CALN1: variants seen among roughly 807,000 people sequenced by gnomAD.
CALN1 encodes the protein calneuron 1.
CALN1 carries 17 observed loss-of-function variants against 30.6 expected under a neutral mutation model. That is an observed-to-expected ratio of 0.56 (90% confidence interval 0.38 to 0.83). The LOEUF (loss-of-function observed/expected upper bound fraction) is 0.83, where lower values mean the gene tolerates loss of function less well. Among genes scored for constraint, CALN1 ranks in the 40% least tolerant of loss-of-function variants. The probability of loss-of-function intolerance (pLI) is 0.00; values close to 1 mark genes in which losing one functional copy is unlikely to be tolerated. For synonymous variants in CALN1, 156 were observed against 131.4 expected, an observed-to-expected ratio of 1.19 and a Z score of -1.28; for missense variants, 291 against 354.9, an observed-to-expected ratio of 0.82 and a Z score of 1.45.
intron 5 of CALN1, among the ~76,000 whole-genome samples, chr7:71,994,179 G>A (rs966089450): frequency 3.3e-5 from 5 of 152,070 alleles, no homozygotes; most frequent in African/African-American, 1.2e-4. Context: ...GAAATTTAAA[G>A]TACAAAGGAA....
At chr7:72,405,895 G>C (rs1806664643) in intron 1 of CALN1, among the ~76,000 whole-genome samples, 1 of 152,208 alleles carries the variant, frequency 6.6e-6, no homozygotes, top group African/African-American at 2.4e-5. Context: ...CCCCCAGGCA[G>C]TGTGGACATC....
intron 3 of CALN1, among the ~76,000 whole-genome samples, chr7:72,143,776 C>T (rs554941516): frequency 6.6e-6 from 1 of 152,204 alleles, no homozygotes; most frequent in Admixed American, 6.5e-5. Flanking sequence ...CAGCTGATCT[C>T]TCGGCAGAAA....
chr7:72,252,565 C>T (rs1159310652), intron 3 of CALN1, among the ~76,000 whole-genome samples: 2 of 150,742 alleles, frequency 1.3e-5, no homozygotes, highest in East Asian at 3.9e-4. Flanking sequence ...GCTGTGATCA[C>T]ACCACTGCAC....
At chr7:72,296,774 G>A (rs59874987) in intron 2 of CALN1, among the ~76,000 whole-genome samples, 17,051 of 149,882 alleles carry the variant, frequency 0.11, 1,388 homozygotes, top group East Asian at 0.42. Flanking sequence ...TCTTGCTAGC[G>A]GTCTATCAAT....
chr7:72,368,462 G>GTGTT (rs1390131441), intron 2 of CALN1, among the ~76,000 whole-genome samples: 53 of 151,880 alleles, frequency 3.5e-4, no homozygotes, highest in African/African-American at 1.2e-3. Context: ...TTCTTTTTGT[G>GTGTT]TGTATCATTC....
chr7:72,223,693 C>T (rs773982319), intron 3 of CALN1, among the ~76,000 whole-genome samples: 10 of 152,116 alleles, frequency 6.6e-5, no homozygotes, highest in African/African-American at 1.7e-4. Context: ...AAAAGCCACC[C>T]GCACTAGCAT....
At position 72,291,808 on chromosome 7, in the gene CALN1, C is replaced by T. The variant is rs565171580; in HGVS notation, c.120-12998G>A. Among the ~76,000 whole-genome samples the T allele has an allele frequency of 4.6e-5, 7 of 152,230 alleles. 1 individual carries two copies. The highest frequency in any genetic ancestry group is 4.6e-4 in the Admixed American group (7 of 15,278). On this transcript the variant is annotated intron_variant, in intron 2 of 6. Transcript: ENST00000395275. ...TTGTATTTTTGGTAGAGACAGGATT[C>T]TTCATGTTGGCCAGGCTGGTCTCGA...
At chr7:72,111,562 A>T (rs1807576844) in intron 3 of CALN1, among the ~76,000 whole-genome samples, 1 of 151,618 alleles carries the variant, frequency 6.6e-6, no homozygotes. Context: ...GGCTCAAGAG[A>T]TCCTCCTGCC....
At chr7:72,405,730 T>G (rs77977709) in intron 1 of CALN1, among the ~76,000 whole-genome samples, 2 of 150,164 alleles carry the variant, frequency 1.3e-5, no homozygotes, top group Non-Finnish European at 3.0e-5. Context: ...AAAAAAAAAA[T>G]GACATTTTAT....
intron 1 of CALN1, among the ~76,000 whole-genome samples, chr7:72,405,383 T>C (rs936365784): frequency 2.0e-5 from 3 of 152,150 alleles, no homozygotes; most frequent in African/African-American, 7.2e-5. Context: ...CCATCTAGCA[T>C]AGCTTGGGAG....
chr7:72,443,943 T>C (rs1808441040), intron 1 of CALN1, among the ~76,000 whole-genome samples: 1 of 139,160 alleles, frequency 7.2e-6, no homozygotes, highest in African/African-American at 2.7e-5. Context: ...AGGTGGAGGA[T>C]GCAGTGAGCA....
At position 72,023,719 on chromosome 7, in the gene CALN1, G is replaced by C. The variant is rs1322945369; in HGVS notation, c.439C>G (p.Leu147Val). 1 of 1,614,022 alleles carries C rather than the reference G, an allele frequency of 6.2e-7. No individual in the cohort carries two copies. Among genetic ancestry groups the C allele is most frequent in the Non-Finnish European group, 8.5e-7 (1 of 1,179,956 alleles). ...DEFMTILGPK[L>V]VSSEGRDGFL... ...CCATCGCGACCTTCTGAAGACACCA[G>C]TTTGGGGCCAAGAATGGTCATGAAT... The change falls in exon 5 of 7, where the codon CTG becomes GTG. Residue 147 changes from leucine to valine, a missense_variant. Transcript: ENST00000395275.
At chr7:72,336,168 A>G (rs1317824426) in intron 2 of CALN1, among the ~76,000 whole-genome samples, 1 of 151,934 alleles carries the variant, frequency 6.6e-6, no homozygotes. Flanking sequence ...GCAAGCAGTC[A>G]GCGCTAGGGG....
chr7:72,256,120 A>G (rs1795895699), intron 3 of CALN1, among the ~76,000 whole-genome samples: 1 of 152,152 alleles, frequency 6.6e-6, no homozygotes, highest in African/African-American at 2.4e-5. Flanking sequence ...GTCCTATTAG[A>G]TGGGGGCTTT....
chr7:72,158,780 C>T (rs1040219848), intron 3 of CALN1, among the ~76,000 whole-genome samples: 15 of 152,116 alleles, frequency 9.9e-5, no homozygotes, highest in African/African-American at 3.4e-4. Context: ...AGTCTTGATG[C>T]CATTTTTGAC....
At chr7:71,943,519 C>T (rs1329762778) in intron 5 of CALN1, among the ~76,000 whole-genome samples, 4 of 152,150 alleles carry the variant, frequency 2.6e-5, no homozygotes, top group Non-Finnish European at 5.9e-5. Context: ...CAGCTCATGG[C>T]AACCTCTGCC....
At chr7:71,895,971 G>T (rs1793509599) in intron 5 of CALN1, among the ~76,000 whole-genome samples, 1 of 152,148 alleles carries the variant, frequency 6.6e-6, no homozygotes, top group Non-Finnish European at 1.5e-5. Flanking sequence ...ACTGGCCACA[G>T]AAGTATCTTA....
At chr7:72,406,872 T>TA (rs1192240512) in intron 1 of CALN1, among the ~76,000 whole-genome samples, 4 of 152,138 alleles carry the variant, frequency 2.6e-5, no homozygotes, top group Non-Finnish European at 4.4e-5. Context: ...TGCCTCAGCC[T>TA]CCCAAAGTGC....
chr7:72,271,194 G>T (rs1796949243), intron 3 of CALN1, among the ~76,000 whole-genome samples: 2 of 152,034 alleles, frequency 1.3e-5, no homozygotes, highest in South Asian at 4.1e-4. Flanking sequence ...TGAGACACCT[G>T]CACAGGACTA....
Sources: gnomAD v4.1 joint callset for allele counts (sites outside exome capture counted in the v4.1 genomes callset) on GRCh38, gnomAD v4.1.1 for gene constraint, MANE v1.5 for transcripts, NCBI Gene and HGNC (gene_info 2026-07-23, HGNC 2026-07-21) for gene names.